UBE2QL1: variants seen among roughly 807,000 people sequenced by gnomAD.
UBE2QL1 encodes ubiquitin conjugating enzyme E2 QL1.
UBE2QL1 carries 5 observed loss-of-function variants against 12.6 expected under a neutral mutation model. That is an observed-to-expected ratio of 0.40 (90% CI 0.21 to 0.83). UBE2QL1 has a LOEUF of 0.83. Ranked by LOEUF, UBE2QL1 falls within the 40% of genes least tolerant of loss-of-function variation. The probability of loss-of-function intolerance (pLI) is 0.37; values close to 1 mark genes in which losing one functional copy is unlikely to be tolerated. For synonymous variants in UBE2QL1, 96 were observed against 94.5 expected, an observed-to-expected ratio of 1.02 and a Z score of -0.10; for missense variants, 99 against 222.6, an observed-to-expected ratio of 0.44 and a Z score of 3.53.
At chr5:6,480,519 A>G (rs1455579924) in intron 1 of UBE2QL1, among the ~76,000 whole-genome samples, 1 of 152,238 alleles carries the variant, frequency 6.6e-6, no homozygotes, top group African/African-American at 2.4e-5. Context: ...CAAAAGTATA[A>G]GTATTAGTGG....
At position 6,492,495 on chromosome 5, in the gene UBE2QL1, G is replaced by A. The variant is rs1044906241; in HGVS notation, c.*1146G>A. The A allele has an allele frequency of 4.6e-5, 7 of 152,168 alleles. No homozygotes were observed. The highest frequency in any genetic ancestry group is 1.4e-4 in the African/African-American group (6 of 41,438). 9.4% of individuals were successfully genotyped at this position (152,168 alleles called of 1,614,324 possible). On this transcript the variant is annotated 3_prime_UTR_variant, in exon 2 of 2. Transcript: ENST00000399816. ...TTTCTAAGAAACTCCATGAAATGAG[G>A]AAATACTGTTTCTAATAATATGAGG... is the stretch of plus-strand genomic sequence containing the variant.
chr5:6,472,868 T>G (rs566885232), intron 1 of UBE2QL1, among the ~76,000 whole-genome samples: 9 of 152,334 alleles, frequency 5.9e-5, no homozygotes, highest in Non-Finnish European at 8.8e-5. Context: ...CTGAGCCTCC[T>G]CCCACTGGCT....
chr5:6,481,946 T>A lies in UBE2QL1; in HGVS notation c.355-9272T>A, dbSNP rs1734371200. ...AGAGTTATGTCCTCCCCAAAATAGT[T>A]GAAGTCCTACCCCCTGTGGCTGTGA... On this transcript the variant is annotated intron_variant, in intron 1 of 1. Transcript: ENST00000399816. The surrounding 1 kb of genome is among the most constrained non-coding windows in gnomAD (Gnocchi z 4.5). Among the ~76,000 whole-genome samples, 3 of 152,214 alleles carry A rather than the reference T, an allele frequency of 2.0e-5. 1 individual carries two copies. In the South Asian group the frequency reaches 6.2e-4, roughly 31 times the overall value.
intron 1 of UBE2QL1, among the ~76,000 whole-genome samples, chr5:6,484,627 G>A (rs541581175): frequency 3.9e-5 from 6 of 152,262 alleles, no homozygotes; most frequent in South Asian, 2.1e-4. Flanking sequence ...AGCAGTCACC[G>A]TGGCACTTGC....
intron 1 of UBE2QL1, among the ~76,000 whole-genome samples, chr5:6,488,567 TAGG>T (rs148003207): frequency 0.19 from 29,517 of 151,578 alleles, 6,321 homozygotes; most frequent in African/African-American, 0.53. Flanking sequence ...GAAATCAAGG[TAGG>T]AGGATTGCTT....
chr5:6,449,470 CG>C (rs1176231494), intron 1 of UBE2QL1, among the ~76,000 whole-genome samples: 1 of 152,098 alleles, frequency 6.6e-6, no homozygotes, highest in East Asian at 1.9e-4. Context: ...CTCCCGTCCC[CG>C]TCTGGTCTCA....
chr5:6,468,806 T>C (rs1034696548), intron 1 of UBE2QL1, among the ~76,000 whole-genome samples: 1 of 152,158 alleles, frequency 6.6e-6, no homozygotes, highest in Non-Finnish European at 1.5e-5. Flanking sequence ...CCTACCAGAG[T>C]GCTTGTTTGG....
In UBE2QL1 at chr5:6,478,159, G is replaced by A. The variant is rs1244158414; in HGVS notation, c.355-13059G>A. ...CTATCTTTTATAGAGTTTGTGCCCA[G>A]ATCATATTTTCACACGGAAATTTTA... On this transcript the variant is annotated intron_variant, in intron 1 of 1. Transcript: ENST00000399816. The surrounding 1 kb of genome is among the most constrained non-coding windows in gnomAD (Gnocchi z 4.5). Among the ~76,000 whole-genome samples the A allele has an allele frequency of 6.6e-6, 1 of 152,194 alleles. No homozygotes were observed. Among genetic ancestry groups the A allele is most frequent in the Non-Finnish European group, 1.5e-5 (1 of 68,030 alleles).
At chr5:6,482,752 C>T (rs981351680) in intron 1 of UBE2QL1, among the ~76,000 whole-genome samples, 2 of 152,170 alleles carry the variant, frequency 1.3e-5, no homozygotes, top group Non-Finnish European at 2.9e-5. Context: ...CGGCTGGGAA[C>T]GACCCAGGGA....
intron 1 of UBE2QL1, among the ~76,000 whole-genome samples, chr5:6,455,789 C>T (rs1354382872): frequency 2.6e-5 from 4 of 152,050 alleles, no homozygotes; most frequent in Non-Finnish European, 4.4e-5. Context: ...CCCAGAGCTT[C>T]AGAAGTGGTG....
At chr5:6,489,183 G>C (rs1280900393) in intron 1 of UBE2QL1, among the ~76,000 whole-genome samples, 1 of 152,118 alleles carries the variant, frequency 6.6e-6, no homozygotes, top group Non-Finnish European at 1.5e-5. Flanking sequence ...CCAGCACTTT[G>C]GGAGGCTGAG....
chr5:6,493,992 G>C lies in UBE2QL1; in HGVS notation c.*2643G>C, dbSNP rs542403867. 2.0e-5 allele frequency: 3 copies of C among 152,202 alleles called. No individual in the cohort carries two copies. Among genetic ancestry groups the C allele is most frequent in the African/African-American group, 7.2e-5 (3 of 41,436 alleles). 9.4% of individuals were successfully genotyped at this position (152,202 alleles called of 1,614,324 possible). On this transcript the variant is annotated 3_prime_UTR_variant, in exon 2 of 2. Coordinates refer to ENST00000399816, the MANE Select transcript of UBE2QL1 (RefSeq NM_001145161.3). Reference sequence around the variant, plus strand: ...ACCTATTCCTCTTTGGACAGACAGCGAGGGAATAATCAGACAGTGGGTGCA... The same window carrying C: ...ACCTATTCCTCTTTGGACAGACAGCCAGGGAATAATCAGACAGTGGGTGCA...
intron 1 of UBE2QL1, among the ~76,000 whole-genome samples, chr5:6,474,327 G>A (rs1236157443): frequency 2.6e-5 from 4 of 152,180 alleles, no homozygotes; most frequent in Admixed American, 1.3e-4. Context: ...TGCTATAGCC[G>A]GAGAAGGTTG....
At position 6,481,198 on chromosome 5, in the gene UBE2QL1, C is replaced by T. The variant is rs1734351908; in HGVS notation, c.355-10020C>T. On this transcript the variant is annotated intron_variant, in intron 1 of 1. Coordinates refer to ENST00000399816, the MANE Select transcript of UBE2QL1 (RefSeq NM_001145161.3). The surrounding 1 kb of genome is among the most constrained non-coding windows in gnomAD (Gnocchi z 4.5). Reference sequence around the variant, plus strand: ...GCCCTAATTCCCCGTTTCTAGATTTCCTGCTTCTCCTCTTGACTGTCCCCA... The same window carrying T: ...GCCCTAATTCCCCGTTTCTAGATTTTCTGCTTCTCCTCTTGACTGTCCCCA... Among the ~76,000 whole-genome samples, 1 of 152,158 alleles carries T rather than the reference C, an allele frequency of 6.6e-6. No homozygotes were observed. The highest frequency in any genetic ancestry group is 2.4e-5 in the African/African-American group (1 of 41,430).
In UBE2QL1 at chr5:6,494,590, A is replaced by G. The variant is rs1734635261; in HGVS notation, c.*3241A>G. ...GTGTGGGAATTGGCCAAAATGACGC[A>G]GCAGAAGTGCTTTGGAGACTAAAGA... is the stretch of plus-strand genomic sequence containing the variant. On this transcript the variant is annotated 3_prime_UTR_variant, in exon 2 of 2. Coordinates refer to ENST00000399816, the MANE Select transcript of UBE2QL1 (RefSeq NM_001145161.3). 6.6e-6 allele frequency: 1 copy of G among 152,226 alleles called. No individual in the cohort carries two copies. The highest frequency in any genetic ancestry group is 6.5e-5 in the Admixed American group (1 of 15,280). 9.4% of individuals were successfully genotyped at this position (152,226 alleles called of 1,614,324 possible).
Position 6,481,324 on chromosome 5 carries a change from C to G in UBE2QL1, c.355-9894C>G, listed in dbSNP as rs1734356316. ...GGTCACTTGGCATGGTGGCCCACCA[C>G]CTCCATCCCATCTCGCCTTGCACGC... On this transcript the variant is annotated intron_variant, in intron 1 of 1. Coordinates refer to ENST00000399816, the MANE Select transcript of UBE2QL1 (RefSeq NM_001145161.3). The surrounding 1 kb of genome is among the most constrained non-coding windows in gnomAD (Gnocchi z 4.5). 6.6e-6 allele frequency among the ~76,000 whole-genome samples: 1 copy of G among 152,238 alleles called. No individual in the cohort carries two copies. Among genetic ancestry groups the G allele is most frequent in the African/African-American group, 2.4e-5 (1 of 41,462 alleles).
intron 1 of UBE2QL1, among the ~76,000 whole-genome samples, chr5:6,452,805 G>C (rs1021561374): frequency 2.0e-5 from 3 of 152,210 alleles, no homozygotes; most frequent in Non-Finnish European, 2.9e-5. Context: ...CAGGCTTGGA[G>C]CGTGGGACGA....
chr5:6,466,907 A>G (rs529645585), intron 1 of UBE2QL1, among the ~76,000 whole-genome samples: 28 of 152,190 alleles, frequency 1.8e-4, no homozygotes, highest in Non-Finnish European at 3.5e-4. Flanking sequence ...CACCAGCAGG[A>G]CGTTTGAGAG....
intron 1 of UBE2QL1, among the ~76,000 whole-genome samples, chr5:6,461,536 A>ACCCC (rs1489545549): frequency 3.9e-4 from 14 of 36,250 alleles, no homozygotes; most frequent in East Asian, 2.3e-3. Context: ...GTTTTTCAGC[A>ACCCC]CCCACCACCC....
Sources: allele counts gnomAD v4.1 joint callset (sites outside exome capture counted in the v4.1 genomes callset), GRCh38; gene constraint gnomAD v4.1.1; non-coding constraint Gnocchi (gnomAD v3.1); transcripts MANE v1.5; gene names NCBI Gene and HGNC (gene_info 2026-07-23, HGNC 2026-07-21).